The following CEP250 variants were observed in gnomAD, a reference collection of about 807,000 sequenced individuals.
The protein encoded by CEP250 is centrosomal protein 250.
Under a neutral mutation model 315.7 loss-of-function variants are expected in CEP250, and 242 were observed. The observed-to-expected ratio is 0.77, with a 90% CI of 0.69 to 0.85. CEP250 has a LOEUF of 0.85. Ranked by LOEUF, CEP250 falls within the 40% of genes least tolerant of loss-of-function variation. The pLI, the probability that CEP250 is intolerant of heterozygous loss-of-function variation, is 0.00. For synonymous variants in CEP250, 1,088 were observed against 1,175.0 expected (o/e 0.93, Z 1.51); for missense variants, 2,515 against 2,886.4 (o/e 0.87, Z 2.95).
intron 11 of CEP250, 59 bp from the exon 12 acceptor site, chr20:35,472,614 C>A: frequency 6.4e-7 from 1 of 1,555,800 alleles, no homozygotes; most frequent in Admixed American, 1.7e-5. Context: ...GGGTTAAGTC[C>A]CTCTATAGAC....
intron 4 of CEP250, among the ~76,000 whole-genome samples, chr20:35,463,302 C>G (rs1311946228): frequency 6.6e-6 from 1 of 152,178 alleles, no homozygotes; most frequent in Non-Finnish European, 1.5e-5. Context: ...ACTCGGGAGG[C>G]TGAGTTAGAA....
chr20:35,482,840 G>A (rs1470221827), intron 20 of CEP250, among the ~76,000 whole-genome samples: 1 of 152,150 alleles, frequency 6.6e-6, no homozygotes, highest in Admixed American at 6.5e-5. Flanking sequence ...GGGATTAAAG[G>A]CGTGAGACCA....
chr20:35,490,528 A>C, intron 20 of CEP250, 109 bp from the exon 21 acceptor site: 1 of 959,604 alleles, frequency 1.0e-6, no homozygotes, highest in Non-Finnish European at 1.5e-6. Flanking sequence ...GAGAGGTACC[A>C]AGGTCACCCC....
intron 2 of CEP250, among the ~76,000 whole-genome samples, chr20:35,458,902 G>C (rs1369088430): frequency 6.7e-6 from 1 of 149,476 alleles, no homozygotes; most frequent in Non-Finnish European, 1.5e-5. Flanking sequence ...ATAGTACAGA[G>C]AGTTCCTGTA....
In CEP250 at chr20:35,479,908, G is replaced by A. The variant is rs575167160; in HGVS notation, c.2417-68G>A. 3.1e-6 allele frequency: 5 copies of A among 1,597,914 alleles called. No individual in the cohort carries two copies. The Admixed American group carries it at 5.1e-5, about 16-fold the overall frequency. ...GAGATGGGAGTTGCTCATGAGGTCA[G>A]GGGAGAGGGAGAATTTTATTAGGTA... On this transcript the variant is annotated intron_variant, in intron 19 of 34. Coordinates refer to ENST00000397527, the MANE Select transcript of CEP250 (RefSeq NM_007186.6).
chr20:35,464,815 G>A (rs1398663841), intron 5 of CEP250, among the ~76,000 whole-genome samples: 2 of 152,070 alleles, frequency 1.3e-5, no homozygotes, highest in African/African-American at 2.4e-5. Flanking sequence ...CCAGCTACTC[G>A]GGAGGCTGAG....
chr20:35,467,563 G>A lies in CEP250; in HGVS notation c.851+8G>A, dbSNP rs371028032. On this transcript the variant is annotated splice_region_variant and intron_variant, in intron 9 of 34. Coordinates refer to ENST00000397527, the MANE Select transcript of CEP250 (RefSeq NM_007186.6). ...GGCTGAACTTCAGGACCGGTGAGAT[G>A]GCCTGGGGTCCCAAGAAGGGTTCGC... The A allele has an allele frequency of 2.5e-6, 4 of 1,612,090 alleles. No homozygotes were observed. In the African/African-American group the frequency reaches 5.3e-5, roughly 22 times the overall value.
Position 35,494,575 on chromosome 20 carries a change from G to T in CEP250, c.3085G>T (p.Val1029Leu), listed in dbSNP as rs756043490. ...LVAQDDSQRL[V>L]EQEVQEKLRE... ...GGCCCAGGATGACTCCCAGAGGCTG[G>T]TGGAGCAGGAGGTTCAGGAGAAGCT... Residue 1029 changes from valine to leucine, a missense_variant, in exon 24 of 35, where the codon GTG becomes TTG. Transcript: ENST00000397527. 6.2e-7 allele frequency: 1 copy of T among 1,614,150 alleles called. No individual in the cohort carries two copies. The highest frequency in any genetic ancestry group is 1.7e-5 in the Admixed American group (1 of 60,020).
chr20:35,463,054 ATT>A, intron 4 of CEP250, among the ~76,000 whole-genome samples: 1 of 152,182 alleles, frequency 6.6e-6, no homozygotes, highest in Admixed American at 6.5e-5. Flanking sequence ...GTATTTATTT[ATT>A]TATTTATTTA....
chr20:35,471,238 C>G (rs2063017277), intron 10 of CEP250, among the ~76,000 whole-genome samples: 1 of 152,004 alleles, frequency 6.6e-6, no homozygotes, highest in African/African-American at 2.4e-5. Flanking sequence ...TTCAGTACTG[C>G]AGGGGACACT....
At chr20:35,469,136 C>A (rs2062963561) in intron 9 of CEP250, among the ~76,000 whole-genome samples, 1 of 151,960 alleles carries the variant, frequency 6.6e-6, no homozygotes, top group Non-Finnish European at 1.5e-5. Context: ...ATAGTGAGAC[C>A]TTGTCTCTAC....
At chr20:35,463,526 G>GT (rs1213602468) in intron 4 of CEP250, 49 bp from the exon 5 acceptor site, 1 of 1,543,394 alleles carries the variant, frequency 6.5e-7, no homozygotes, top group East Asian at 2.3e-5. Context: ...GCTTTGGGCT[G>GT]TTTGTGCCAG....
Position 35,502,776 on chromosome 20 carries a change from C to T in CEP250, c.4407C>T (p.Asn1469=), listed in dbSNP as rs770122479. 2 of 1,614,188 alleles carry T rather than the reference C, an allele frequency of 1.2e-6. No individual in the cohort carries two copies. The highest frequency in any genetic ancestry group is 1.7e-6 in the Non-Finnish European group (2 of 1,180,036). Residue 1469 remains asparagine, a synonymous_variant, in exon 30 of 35, where the codon AAC becomes AAT. Coordinates refer to ENST00000397527, the MANE Select transcript of CEP250 (RefSeq NM_007186.6). ...ELLSLDLKKR[N]QEVDLQQEQI... is the part of the protein sequence containing the mutation. ...TGTCTCTGGACCTGAAGAAGAGGAA[C>T]CAAGAGGTAGATCTGCAGCAAGAAC...
chr20:35,510,102 C>A, intron 34 of CEP250, 48 bp downstream of exon 34: 2 of 1,537,028 alleles, frequency 1.3e-6, no homozygotes, highest in Non-Finnish European at 9.0e-7. Context: ...TGCACTCAGG[C>A]CCTTTGTGCA....
chr20:35,473,746 A>G, intron 13 of CEP250, 124 bp from the exon 14 acceptor site: 3 of 1,070,382 alleles, frequency 2.8e-6, no homozygotes, highest in Non-Finnish European at 4.0e-6. Flanking sequence ...TGATGATAAA[A>G]AAGTTTCGCA....
intron 17 of CEP250, among the ~76,000 whole-genome samples, chr20:35,478,739 G>T (rs546901418): frequency 6.6e-6 from 1 of 152,302 alleles, no homozygotes; most frequent in East Asian, 1.9e-4. Flanking sequence ...GCTCCTTGAA[G>T]GCAAAGCTAT....
rs1245498293 is a variant in CEP250 at position 35,504,788 on chromosome 20, A to G, written c.6419A>G (p.Lys2140Arg). 1 of 1,614,136 alleles carries G rather than the reference A, an allele frequency of 6.2e-7. No homozygotes were observed. ...TCCCCAATGGAGGAACAATCTCTAA[A>G]ACTTGATTCTTTAGAGCCCAGGCTG... is the stretch of plus-strand genomic sequence containing the variant. Reference protein sequence around the residue: ...KTSPMEEQSLKLDSLEPRLQR... With the variant: ...KTSPMEEQSLRLDSLEPRLQR... The change falls in exon 30 of 35, where the codon AAA becomes AGA. Residue 2140 changes from lysine to arginine, a missense_variant. Coordinates refer to ENST00000397527, the MANE Select transcript of CEP250 (RefSeq NM_007186.6).
At chr20:35,485,320 G>A (rs1185904410) in intron 20 of CEP250, among the ~76,000 whole-genome samples, 2 of 150,100 alleles carry the variant, frequency 1.3e-5, no homozygotes, top group African/African-American at 2.5e-5. Context: ...GTTGCAGTGA[G>A]CCAAGATCGC....
rs782622070 is a variant in CEP250 at position 35,485,645 on chromosome 20, C to CTTTTTTT, written c.2587-4967_2587-4961dup. On this transcript the variant is annotated intron_variant, in intron 20 of 34. Transcript: ENST00000397527. Reference sequence around the variant, plus strand: ...AGCTAGGACTACAGCGTCTGCCTGGCTTTTTTTTTTTTTTTTTTTTTTTTT... The same window carrying CTTTTTTT: ...AGCTAGGACTACAGCGTCTGCCTGGCTTTTTTTTTTTTTTTTTTTTTTTTTTTTTTTT... Among the ~76,000 whole-genome samples, 67 of 33,818 alleles carry CTTTTTTT rather than the reference C, an allele frequency of 2.0e-3. 19 individuals are homozygous for CTTTTTTT. Among genetic ancestry groups the CTTTTTTT allele is most frequent in the Admixed American group, 3.0e-3 (6 of 2,010 alleles). 22.2% of individuals were successfully genotyped at this position (33,818 alleles called of 152,430 possible).
Sources: allele counts gnomAD v4.1 joint callset (sites outside exome capture counted in the v4.1 genomes callset), GRCh38; gene constraint gnomAD v4.1.1; transcripts MANE v1.5; gene names NCBI Gene and HGNC (gene_info 2026-07-23, HGNC 2026-07-21).